Variants in GPC6 observed in about 807,000 individuals in gnomAD.
GPC6 encodes the protein glypican-6.
GPC6 carries 14 observed loss-of-function variants against 55.2 expected under a neutral mutation model. The ratio of observed to expected loss-of-function variants is 0.25; its 90% CI spans 0.17 to 0.40. GPC6 has a LOEUF of 0.40. GPC6 is among the 10% of genes least tolerant of loss of function. The pLI is 1.00. For synonymous variants in GPC6, 278 were observed against 259.6 expected, an observed-to-expected ratio of 1.07 and a Z score of -0.68; for missense variants, 641 against 708.5, an observed-to-expected ratio of 0.90 and a Z score of 1.08.
chr13:94,003,753 C>G (rs747053015), intron 3 of GPC6, among the ~76,000 whole-genome samples: 24 of 152,226 alleles, frequency 1.6e-4, no homozygotes, highest in Non-Finnish European at 2.9e-4. Flanking sequence ...TCAATCAGTT[C>G]TAATGACCAT....
chr13:94,145,356 C>G (rs1363724783), intron 4 of GPC6, among the ~76,000 whole-genome samples: 6 of 152,040 alleles, frequency 3.9e-5, no homozygotes, highest in African/African-American at 1.5e-4. Flanking sequence ...CAAATTATAT[C>G]CTTATCCATT....
chr13:93,743,259 G>A (rs1035839795), intron 2 of GPC6, among the ~76,000 whole-genome samples: 1 of 152,064 alleles, frequency 6.6e-6, no homozygotes, highest in African/African-American at 2.4e-5. Flanking sequence ...ATGGGGTAGA[G>A]GAGTTACACC....
chr13:93,719,100 C>T (rs1253035732), intron 2 of GPC6, among the ~76,000 whole-genome samples: 1 of 151,736 alleles, frequency 6.6e-6, no homozygotes, highest in Middle Eastern at 3.4e-3. Context: ...TTTAAAGTAG[C>T]TTTTTTCTAA....
At chr13:94,359,488 A>G (rs9634638) in intron 6 of GPC6, among the ~76,000 whole-genome samples, 32,487 of 152,100 alleles carry the variant, frequency 0.21, 3,911 homozygotes, top group East Asian at 0.3. Context: ...CTGTTCAGAA[A>G]GACTCACAGT....
intron 3 of GPC6, among the ~76,000 whole-genome samples, chr13:93,976,659 T>G (rs1485707582): frequency 6.6e-6 from 1 of 151,346 alleles, no homozygotes; most frequent in Non-Finnish European, 1.5e-5. Context: ...AATTTCTTCT[T>G]GCTGTGACTA....
At chr13:93,879,744 C>G (rs1469197899) in intron 3 of GPC6, among the ~76,000 whole-genome samples, 1 of 151,978 alleles carries the variant, frequency 6.6e-6, no homozygotes, top group Non-Finnish European at 1.5e-5. Flanking sequence ...AGCTTCTGCA[C>G]AGCAAAAGAA....
chr13:93,346,948 T>C (rs1344982563), intron 1 of GPC6, among the ~76,000 whole-genome samples: 1 of 152,210 alleles, frequency 6.6e-6, no homozygotes, highest in Admixed American at 6.6e-5. Flanking sequence ...ACTTTCAATG[T>C]ATCCATTCGG....
At chr13:94,402,040 A>G (rs1277318303) in intron 8 of GPC6, among the ~76,000 whole-genome samples, 1 of 152,226 alleles carries the variant, frequency 6.6e-6, no homozygotes, top group Non-Finnish European at 1.5e-5. Context: ...GTTATGGACC[A>G]TACAAAAGCA....
At position 94,158,778 on chromosome 13, in the gene GPC6, G is replaced by A. The variant is rs551550172; in HGVS notation, c.878-127571G>A. Among the ~76,000 whole-genome samples the A allele has an allele frequency of 1.8e-4, 28 of 152,168 alleles. 2 individuals are homozygous for A. In the South Asian group the frequency reaches 5.4e-3, roughly 29 times the overall value. ...AAGATCATACAAGTAGTTAGGTCTG[G>A]GTTCACACCTCAGCGCATCCATTTG... On this transcript the variant is annotated intron_variant, in intron 4 of 8. Transcript: ENST00000377047.
chr13:93,569,546 T>G (rs1380263613), intron 2 of GPC6, among the ~76,000 whole-genome samples: 2 of 151,214 alleles, frequency 1.3e-5, no homozygotes, highest in Non-Finnish European at 2.9e-5. Context: ...TAAGCAAGAG[T>G]AGGCAACCAC....
At chr13:93,692,254 G>A (rs1050274684) in intron 2 of GPC6, among the ~76,000 whole-genome samples, 10 of 151,992 alleles carry the variant, frequency 6.6e-5, no homozygotes, top group Non-Finnish European at 1.3e-4. Flanking sequence ...CTGAAATTAT[G>A]TTCCCAGATT....
intron 1 of GPC6, among the ~76,000 whole-genome samples, chr13:93,401,751 G>A (rs1020887697): frequency 6.9e-6 from 1 of 144,988 alleles, no homozygotes; most frequent in Non-Finnish European, 1.5e-5. Flanking sequence ...GGAAAGCATT[G>A]GCTAGTTTAT....
At chr13:93,775,498 C>T (rs1009271916) in intron 2 of GPC6, among the ~76,000 whole-genome samples, 1 of 152,170 alleles carries the variant, frequency 6.6e-6, no homozygotes, top group Non-Finnish European at 1.5e-5. Context: ...ATTGTCATTG[C>T]CACCTTCAGG....
chr13:93,964,797 C>T (rs906725222), intron 3 of GPC6, among the ~76,000 whole-genome samples: 2 of 152,132 alleles, frequency 1.3e-5, no homozygotes, highest in Admixed American at 1.3e-4. Flanking sequence ...CTGCATTATT[C>T]ACCTACTAGA....
At chr13:94,142,823 G>A (rs575912531) in intron 4 of GPC6, among the ~76,000 whole-genome samples, 15 of 151,634 alleles carry the variant, frequency 9.9e-5, no homozygotes, top group African/African-American at 2.9e-4. Flanking sequence ...GGTCGTGGAC[G>A]GCTACTTTTT....
intron 2 of GPC6, among the ~76,000 whole-genome samples, chr13:93,712,472 T>C (rs1312804911): frequency 6.6e-6 from 1 of 151,692 alleles, no homozygotes. Flanking sequence ...GTTTTGGCTT[T>C]GGGTACCTAG....
intron 4 of GPC6, among the ~76,000 whole-genome samples, chr13:94,166,317 T>C (rs1253079498): frequency 6.6e-6 from 1 of 152,246 alleles, no homozygotes; most frequent in African/African-American, 2.4e-5. Flanking sequence ...AATGTTCGTA[T>C]TGTAAGACAT....
At chr13:94,323,024 G>T (rs1281339732) in intron 6 of GPC6, among the ~76,000 whole-genome samples, 8 of 152,108 alleles carry the variant, frequency 5.3e-5, no homozygotes. Flanking sequence ...GCAAGTGAAG[G>T]TAGAGAGAGA....
At chr13:93,666,629 A>G (rs970676618) in intron 2 of GPC6, among the ~76,000 whole-genome samples, 8 of 152,218 alleles carry the variant, frequency 5.3e-5, no homozygotes, top group Admixed American at 3.3e-4. Flanking sequence ...AATATAGTAT[A>G]TTTTGATTCA....
Sources: allele counts gnomAD v4.1 joint callset (sites outside exome capture counted in the v4.1 genomes callset), GRCh38; gene constraint gnomAD v4.1.1; transcripts MANE v1.5; gene names NCBI Gene and HGNC (gene_info 2026-07-23, HGNC 2026-07-21).